WASHC5: variants seen among roughly 807,000 people sequenced by gnomAD.
WASHC5 encodes the protein WASH complex subunit strumpellin.
Under a neutral mutation model 150.4 loss-of-function variants are expected in WASHC5, and 101 were observed. The observed-to-expected ratio is 0.67, with a 90% CI of 0.57 to 0.79. The LOEUF is 0.79. WASHC5 is among the 30% of genes least tolerant of loss of function. WASHC5 has a pLI of 0.00. For synonymous variants in WASHC5, 467 were observed against 491.2 expected (o/e 0.95, Z 0.65); for missense variants, 1,195 against 1,396.3 (o/e 0.86, Z 2.30).
intron 27 of WASHC5, among the ~76,000 whole-genome samples, chr8:125,030,377 A>G (rs1276429998): frequency 1.3e-5 from 2 of 152,146 alleles, no homozygotes; most frequent in East Asian, 1.9e-4. Context: ...CTATTTTTCA[A>G]TTGTTAAAAA....
chr8:125,082,753 T>A (rs1817305419), intron 3 of WASHC5: 1 of 397,202 alleles, frequency 2.5e-6, no homozygotes, highest in Admixed American at 4.2e-5. Context: ...GTCTAAAAGT[T>A]AATGAGTAAT....
At chr8:125,059,157 G>T in intron 14 of WASHC5, 65 bp downstream of exon 14, 1 of 1,126,646 alleles carries the variant, frequency 8.9e-7, no homozygotes, top group Non-Finnish European at 1.4e-6. Flanking sequence ...CTGAATTAAT[G>T]AATGAGGTAT....
chr8:125,070,265 A>C (rs1474300767), intron 9 of WASHC5, among the ~76,000 whole-genome samples: 1 of 152,268 alleles, frequency 6.6e-6, no homozygotes, highest in East Asian at 1.9e-4. Context: ...AAATTCCACA[A>C]AAGTTAACTA....
At chr8:125,027,640 G>A (rs576998660) in intron 28 of WASHC5, among the ~76,000 whole-genome samples, 57 of 152,180 alleles carry the variant, frequency 3.7e-4, no homozygotes, top group African/African-American at 1.3e-3. Context: ...GGGGAGTGAG[G>A]ATAAAATACT....
chr8:125,081,922 C>T (rs3793447), intron 4 of WASHC5, among the ~76,000 whole-genome samples, 161 bp from the exon 5 acceptor site: 2 of 151,990 alleles, frequency 1.3e-5, no homozygotes, highest in East Asian at 1.9e-4. Flanking sequence ...ACCTTCTTGC[C>T]GAATGGGCCT....
intron 25 of WASHC5, among the ~76,000 whole-genome samples, chr8:125,038,186 A>G (rs1384160274): frequency 6.6e-6 from 1 of 152,240 alleles, no homozygotes; most frequent in Non-Finnish European, 1.5e-5. Context: ...AAGGGATAAT[A>G]CAGCTTTCAG....
intron 9 of WASHC5, among the ~76,000 whole-genome samples, chr8:125,071,175 A>G (rs3849808): frequency 0.027 from 4,167 of 152,320 alleles, 178 homozygotes; most frequent in African/African-American, 0.095. Flanking sequence ...CTGCTGAATG[A>G]CACACCTCTT....
chr8:125,055,472 A>T (rs2130078865), intron 17 of WASHC5, 119 bp downstream of exon 17: 6 of 764,350 alleles, frequency 7.8e-6, no homozygotes, highest in Non-Finnish European at 1.5e-5. Context: ...TGAAGACCGA[A>T]ATTGGAATGT....
chr8:125,054,609 G>A (rs1475868065), intron 17 of WASHC5, among the ~76,000 whole-genome samples: 6 of 152,108 alleles, frequency 3.9e-5, no homozygotes, highest in Non-Finnish European at 7.4e-5. Context: ...CGAGGCGGGC[G>A]GGTCACGAGG....
chr8:125,081,362 T>C (rs535217583), intron 5 of WASHC5, among the ~76,000 whole-genome samples: 10 of 151,736 alleles, frequency 6.6e-5, no homozygotes, highest in Non-Finnish European at 7.4e-5. Context: ...CTCAGCCTCC[T>C]GAGTACCTGG....
In WASHC5 at chr8:125,067,581, A is replaced by C. The variant is rs554685345; in HGVS notation, c.1278+11T>G. 6.2e-7 allele frequency: 1 copy of C among 1,606,310 alleles called. No homozygotes were observed. The highest frequency in any genetic ancestry group is 1.1e-5 in the South Asian group (1 of 90,880). The stretch of plus-strand genomic sequence containing the variant: ...CTAAGACTGTGGTGATATTCATTCA[A>C]ATATTTTTACCTCTTTGAGTATAAA... On this transcript the variant is annotated intron_variant, in intron 10 of 28. Transcript: ENST00000318410.
chr8:125,050,613 C>T lies in WASHC5; in HGVS notation c.2150G>A (p.Arg717His), dbSNP rs918985491. The change falls in exon 18 of 29, where the codon CGC (arginine) becomes CAC (histidine). Residue 717 changes from arginine to histidine, a missense_variant. This residue lies in a region of WASHC5 where 997 missense variants were observed against 1,168.1 expected (regional missense o/e 0.85). Transcript: ENST00000318410. The stretch of plus-strand genomic sequence containing the variant: ...TCCCCTATGCAGGGCAAAGGCAACG[C>T]GCTTCACAAGCTCTTTCCTTATTCC... ...EDGIRKELVK[R>H]VAFALHRGLI... 7.4e-6 allele frequency: 12 copies of T among 1,614,176 alleles called. No homozygotes were observed. Among genetic ancestry groups the T allele is most frequent in the Middle Eastern group, 1.6e-4 (1 of 6,062 alleles).
At chr8:125,073,088 G>C in intron 9 of WASHC5, 65 bp downstream of exon 9, 1 of 1,517,706 alleles carries the variant, frequency 6.6e-7, no homozygotes, top group Non-Finnish European at 9.2e-7. Context: ...GCATCGTGAA[G>C]TAGGTCCTGA....
chr8:125,064,379 TTATTTA>T (rs1203296959), intron 10 of WASHC5, among the ~76,000 whole-genome samples: 1 of 110,740 alleles, frequency 9.0e-6, no homozygotes, highest in African/African-American at 6.2e-5. Flanking sequence ...ATTTTCTTAT[TTATTTA>T]TTTTTTTTTT....
intron 10 of WASHC5, among the ~76,000 whole-genome samples, chr8:125,065,619 CT>C (rs780278604): frequency 0.034 from 4,457 of 130,630 alleles, 198 homozygotes; most frequent in African/African-American, 0.12. Flanking sequence ...TCTTTCATTC[CT>C]TTTTTTTTTT....
rs1000373696 is a variant in WASHC5 at position 125,055,770 on chromosome 8, T to G, written c.2017-99A>C. 7 of 801,140 alleles carry G rather than the reference T, an allele frequency of 8.7e-6. No individual in the cohort carries two copies. In the African/African-American group the frequency reaches 1.2e-4, roughly 14 times the overall value. 49.6% of individuals were successfully genotyped at this position (801,140 alleles called of 1,614,324 possible). On this transcript the variant is annotated intron_variant, in intron 16 of 28. Transcript: ENST00000318410. ...AACTTGTAGCTTTAGGACACCTGTG[T>G]CCACATATTCTGGACAGAAATGAGG...
intron 11 of WASHC5, among the ~76,000 whole-genome samples, chr8:125,062,583 T>A (rs574618336): frequency 7.3e-4 from 111 of 152,332 alleles, no homozygotes; most frequent in African/African-American, 2.5e-3. Context: ...CTAGTTTATA[T>A]CACATCGTTA....
At position 125,044,225 on chromosome 8, in the gene WASHC5, G is replaced by C. The variant is rs1237785930; in HGVS notation, c.2668-131C>G. The C allele has an allele frequency of 4.2e-5, 30 of 722,448 alleles. 1 individual carries two copies. The highest frequency in any genetic ancestry group is 6.1e-5 in the Non-Finnish European group (25 of 410,554). 44.8% of individuals were successfully genotyped at this position (722,448 alleles called of 1,614,324 possible). A position where few individuals can be genotyped will look rare whatever the true frequency, so the allele number is the denominator to read the frequency against. On this transcript the variant is annotated intron_variant, in intron 21 of 28. Transcript: ENST00000318410. ...CACAAAACCTCTAAACAGGATGACA[G>C]CAAAAAGAAGCAACTTCAGGTTCCT...
At chr8:125,075,827 T>A (rs1012123307) in intron 7 of WASHC5, among the ~76,000 whole-genome samples, 2 of 152,244 alleles carry the variant, frequency 1.3e-5, no homozygotes, top group Non-Finnish European at 2.9e-5. Flanking sequence ...TTTCATTTCA[T>A]ATATATTATG....
Sources: gnomAD v4.1 joint callset for allele counts (sites outside exome capture counted in the v4.1 genomes callset) on GRCh38, gnomAD v4.1.1 for gene constraint, gnomAD v4.1.1 regional missense constraint, MANE v1.5 for transcripts, NCBI Gene and HGNC (gene_info 2026-07-23, HGNC 2026-07-21) for gene names.